The following GPC6 variants were observed in gnomAD, a reference collection of about 807,000 sequenced individuals.
The protein encoded by GPC6 is glypican-6.
In GPC6, 14 loss-of-function variants were observed where a neutral mutation model predicts 55.2. The ratio of observed to expected loss-of-function variants is 0.25; its 90% CI spans 0.17 to 0.40. The LOEUF (loss-of-function observed/expected upper bound fraction) is 0.40. GPC6 is among the 10% of genes least tolerant of loss of function. The pLI is 1.00. For synonymous variants in GPC6, 278 were observed against 259.6 expected (o/e 1.07, Z -0.68); for missense variants, 641 against 708.5 (o/e 0.90, Z 1.08).
At chr13:93,697,233 G>A (rs1330358298) in intron 2 of GPC6, among the ~76,000 whole-genome samples, 3 of 152,072 alleles carry the variant, frequency 2.0e-5, no homozygotes, top group Admixed American at 6.6e-5. Flanking sequence ...TTCTTGCTGG[G>A]ACTCAAACAT....
chr13:93,421,015 C>T (rs934099991), intron 1 of GPC6, among the ~76,000 whole-genome samples: 4 of 152,030 alleles, frequency 2.6e-5, no homozygotes, highest in South Asian at 2.1e-4. Context: ...AAGGGAAGCA[C>T]GAGTGCAAAG....
At chr13:93,337,360 T>G (rs1880082861) in intron 1 of GPC6, among the ~76,000 whole-genome samples, 2 of 152,222 alleles carry the variant, frequency 1.3e-5, no homozygotes, top group African/African-American at 4.8e-5. Flanking sequence ...ACTACTAGTC[T>G]TCCAGTTCCA....
At chr13:94,322,279 C>A (rs1383053635) in intron 6 of GPC6, among the ~76,000 whole-genome samples, 1 of 152,196 alleles carries the variant, frequency 6.6e-6, no homozygotes, top group Non-Finnish European at 1.5e-5. Flanking sequence ...GATTGTGAGG[C>A]CTCCCCAGTC....
chr13:94,046,388 C>T (rs532982073), intron 4 of GPC6, among the ~76,000 whole-genome samples: 1 of 152,004 alleles, frequency 6.6e-6, no homozygotes, highest in Non-Finnish European at 1.5e-5. Flanking sequence ...TGAGGTCTTA[C>T]AAGAAGACCT....
chr13:93,876,567 T>C (rs889645499), intron 3 of GPC6, among the ~76,000 whole-genome samples: 5 of 152,080 alleles, frequency 3.3e-5, no homozygotes, highest in East Asian at 1.9e-4. Flanking sequence ...TTAATACTTA[T>C]TTCTCTTACC....
At chr13:93,369,283 A>G (rs1344621631) in intron 1 of GPC6, among the ~76,000 whole-genome samples, 2 of 152,162 alleles carry the variant, frequency 1.3e-5, no homozygotes, top group Non-Finnish European at 2.9e-5. Flanking sequence ...ACTTTGTACT[A>G]TCAGCAAAAA....
chr13:94,105,634 T>C (rs191425205), intron 4 of GPC6, among the ~76,000 whole-genome samples: 266 of 152,190 alleles, frequency 1.7e-3, no homozygotes, highest in African/African-American at 6.2e-3. Context: ...AACATTAAAT[T>C]CAGGAACTTT....
intron 1 of GPC6, among the ~76,000 whole-genome samples, chr13:93,521,714 G>A (rs1305605528): frequency 1.3e-5 from 2 of 151,902 alleles, no homozygotes; most frequent in Non-Finnish European, 2.9e-5. Flanking sequence ...TTGGTGGCAA[G>A]GCATCATTTC....
At chr13:94,343,205 C>A (rs1878127040) in intron 6 of GPC6, among the ~76,000 whole-genome samples, 1 of 152,120 alleles carries the variant, frequency 6.6e-6, no homozygotes, top group Non-Finnish European at 1.5e-5. Flanking sequence ...ATGGCTCTGG[C>A]ATTACTCATA....
At chr13:93,272,657 A>G (rs1461926237) in intron 1 of GPC6, among the ~76,000 whole-genome samples, 1 of 152,006 alleles carries the variant, frequency 6.6e-6, no homozygotes, top group Non-Finnish European at 1.5e-5. Flanking sequence ...AGCTCCAACA[A>G]TTTGTTCTAC....
upstream of GPC6, among the ~76,000 whole-genome samples, chr13:93,225,468 G>C (rs562610002): frequency 7.7e-4 from 116 of 150,674 alleles, 1 homozygote; most frequent in Middle Eastern, 0.017. Flanking sequence ...TGCGTTTTCA[G>C]AAAGATTTAG....
At chr13:93,518,076 TTA>T (rs921182308) in intron 1 of GPC6, among the ~76,000 whole-genome samples, 5 of 151,958 alleles carry the variant, frequency 3.3e-5, no homozygotes, top group African/African-American at 1.2e-4. Flanking sequence ...ATTTATTCAT[TTA>T]TCAAACAGTT....
chr13:93,929,188 A>G (rs1878024554), intron 3 of GPC6, among the ~76,000 whole-genome samples: 1 of 152,196 alleles, frequency 6.6e-6, no homozygotes, highest in African/African-American at 2.4e-5. Context: ...AAAGCCAGAA[A>G]GTCAGCCTCT....
At chr13:93,658,978 C>A (rs1880807720) in intron 2 of GPC6, among the ~76,000 whole-genome samples, 1 of 151,744 alleles carries the variant, frequency 6.6e-6, no homozygotes, top group Admixed American at 6.6e-5. Flanking sequence ...TGGTAAATTT[C>A]ATCAGTAAAA....
rs998084036 is a variant in GPC6, at chr13:93,887,762, C to T, written c.711+57217C>T. Among the ~76,000 whole-genome samples the T allele has an allele frequency of 2.6e-5, 4 of 152,248 alleles. No individual in the cohort carries two copies. In the East Asian group the frequency reaches 7.7e-4, roughly 29 times the overall value. The stretch of plus-strand genomic sequence containing the variant: ...GAGGTCAGAAAGCCAGACATCACTT[C>T]TAGGCTTAATAATCAGTTTGGATTT... On this transcript the variant is annotated intron_variant, in intron 3 of 8. Transcript: ENST00000377047.
intron 4 of GPC6, among the ~76,000 whole-genome samples, chr13:94,211,495 T>C (rs1890078652): frequency 1.3e-5 from 2 of 152,086 alleles, no homozygotes; most frequent in African/African-American, 2.4e-5. Flanking sequence ...AAAAAATAAG[T>C]TTATTTAAGG....
intron 4 of GPC6, among the ~76,000 whole-genome samples, chr13:94,114,970 G>A (rs983234717): frequency 4.6e-5 from 7 of 152,118 alleles, no homozygotes; most frequent in Admixed American, 1.3e-4. Flanking sequence ...ATGAGAATCA[G>A]TGTGTGTCTG....
intron 1 of GPC6, among the ~76,000 whole-genome samples, chr13:93,444,696 C>T (rs749115667): frequency 2.6e-5 from 4 of 152,080 alleles, no homozygotes; most frequent in Non-Finnish European, 5.9e-5. Context: ...TTTAAAATGC[C>T]CTCTCATCAG....
intron 4 of GPC6, among the ~76,000 whole-genome samples, chr13:94,191,315 G>C (rs369033079): frequency 6.6e-6 from 1 of 152,198 alleles, no homozygotes; most frequent in South Asian, 2.1e-4. Flanking sequence ...TATTCCATGA[G>C]ATTCTGAGAC....
Sources: gnomAD v4.1 joint callset for allele counts (sites outside exome capture counted in the v4.1 genomes callset) on GRCh38, gnomAD v4.1.1 for gene constraint, MANE v1.5 for transcripts, NCBI Gene and HGNC (gene_info 2026-07-23, HGNC 2026-07-21) for gene names.